The following GABRB3 variants were observed in gnomAD, a reference collection of about 807,000 sequenced individuals.
GABRB3 encodes the protein gamma-aminobutyric acid receptor subunit beta-3.
GABRB3 carries 14 observed loss-of-function variants against 52.1 expected under a neutral mutation model. The ratio of observed to expected loss-of-function variants is 0.27; its 90% CI spans 0.18 to 0.42. GABRB3 has a LOEUF of 0.42. Ranked by LOEUF, GABRB3 falls within the 10% of genes least tolerant of loss-of-function variation. GABRB3 has a pLI of 1.00. For missense variants in GABRB3, 307 were observed against 609.1 expected (o/e 0.50, Z 5.22); for synonymous variants, 260 against 232.3 (o/e 1.12, Z -1.08).
intron 4 of GABRB3, among the ~76,000 whole-genome samples, chr15:26,619,774 T>G (rs1282736369): frequency 6.8e-6 from 1 of 146,456 alleles, no homozygotes; most frequent in Admixed American, 6.8e-5. Flanking sequence ...AGATTAATTT[T>G]TGTTGATATT....
At position 26,772,992 on chromosome 15, in the gene GABRB3, G is replaced by A. The variant is rs1202740143; in HGVS notation, c.-30C>T. On this transcript the variant is annotated 5_prime_UTR_variant, in exon 1 of 9. Transcript: ENST00000311550. ...CCGCCGCGCCCCGGCACGGGGGAGG[G>A]GGCGCCCCGCCGCCGTCGCGACCCG... 3 of 1,350,624 alleles carry A rather than the reference G, an allele frequency of 2.2e-6. No individual in the cohort carries two copies. The highest frequency in any genetic ancestry group is 2.9e-6 in the Non-Finnish European group (3 of 1,041,904). 83.7% of individuals were successfully genotyped at this position (1,350,624 alleles called of 1,614,324 possible).
At chr15:26,680,794 C>T (rs566843534) in intron 3 of GABRB3, among the ~76,000 whole-genome samples, 98 of 152,266 alleles carry the variant, frequency 6.4e-4, no homozygotes, top group African/African-American at 2.3e-3. Context: ...TAAATGGTGG[C>T]AGCAGTGAGT....
Position 26,688,970 on chromosome 15 carries a change from C to T in GABRB3, c.241-67436G>A, listed in dbSNP as rs1888492831. Among the ~76,000 whole-genome samples, 2 of 152,212 alleles carry T rather than the reference C, an allele frequency of 1.3e-5. 1 individual carries two copies. The highest frequency in any genetic ancestry group is 4.1e-4 in the South Asian group (2 of 4,830). ...TGCAGATCCTAAAGCAGGAATAACA[C>T]TCCTGGAATTGCCTCTCTTTTAAAA... On this transcript the variant is annotated intron_variant, in intron 3 of 8. Transcript: ENST00000311550.
chr15:26,609,605 G>T (rs1408176068), intron 4 of GABRB3, among the ~76,000 whole-genome samples: 1 of 152,034 alleles, frequency 6.6e-6, no homozygotes, highest in African/African-American at 2.4e-5. Flanking sequence ...ACATTGTGTG[G>T]TTAGGCAGCT....
intron 3 of GABRB3, among the ~76,000 whole-genome samples, chr15:26,652,370 G>T (rs1789291132): frequency 6.6e-6 from 1 of 152,146 alleles, no homozygotes; most frequent in Non-Finnish European, 1.5e-5. Flanking sequence ...CGGCACCATG[G>T]TCACTCCTAT....
At chr15:26,748,972 C>T (rs999875388) in intron 3 of GABRB3, among the ~76,000 whole-genome samples, 13 of 151,872 alleles carry the variant, frequency 8.6e-5, no homozygotes, top group South Asian at 4.2e-4. Context: ...GGTGAATGAG[C>T]GGAGACAGCA....
intron 3 of GABRB3, among the ~76,000 whole-genome samples, chr15:26,652,304 T>A (rs1314505915): frequency 6.6e-6 from 1 of 152,208 alleles, no homozygotes. Context: ...GCAATTCACA[T>A]ATTGAACCAA....
intron 3 of GABRB3, among the ~76,000 whole-genome samples, chr15:26,725,246 T>C (rs1245090864): frequency 6.6e-6 from 1 of 152,210 alleles, no homozygotes; most frequent in Non-Finnish European, 1.5e-5. Flanking sequence ...TGAATATTTT[T>C]CTGGGAAGGT....
chr15:26,732,714 C>T (rs760772587), intron 3 of GABRB3, among the ~76,000 whole-genome samples: 94 of 152,216 alleles, frequency 6.2e-4, no homozygotes, highest in African/African-American at 2.0e-3. Flanking sequence ...ATAACAGGCA[C>T]GCGCTACCGT....
intron 3 of GABRB3, among the ~76,000 whole-genome samples, chr15:26,712,892 G>A (rs1889346597): frequency 6.6e-6 from 1 of 152,154 alleles, no homozygotes; most frequent in African/African-American, 2.4e-5. Flanking sequence ...CCGCGGGCTG[G>A]GAAACCCAAA....
At chr15:26,597,611 G>A (rs1159268945) in intron 4 of GABRB3, among the ~76,000 whole-genome samples, 1 of 152,178 alleles carries the variant, frequency 6.6e-6, no homozygotes, top group Non-Finnish European at 1.5e-5. Flanking sequence ...GCAGAGAAAT[G>A]GAAGATGACC....
At chr15:26,686,069 A>G (rs1949481807) in intron 3 of GABRB3, among the ~76,000 whole-genome samples, 1 of 151,958 alleles carries the variant, frequency 6.6e-6, no homozygotes, top group Admixed American at 6.6e-5. Flanking sequence ...CAGCCTCCTG[A>G]GTAGCTGGGA....
chr15:26,592,875 C>G (rs1186209873), intron 4 of GABRB3, among the ~76,000 whole-genome samples: 2 of 152,096 alleles, frequency 1.3e-5, no homozygotes, highest in African/African-American at 4.8e-5. Flanking sequence ...ATTAGCTGGG[C>G]ATGGTGGCAC....
chr15:26,581,962 A>C (rs1361076791), intron 5 of GABRB3, among the ~76,000 whole-genome samples: 2 of 144,752 alleles, frequency 1.4e-5, no homozygotes, highest in African/African-American at 5.1e-5. Context: ...ATGTCCAGTA[A>C]GTATTTGTTG....
chr15:26,746,345 A>G (rs1890338092), intron 3 of GABRB3, among the ~76,000 whole-genome samples: 1 of 151,666 alleles, frequency 6.6e-6, no homozygotes, highest in African/African-American at 2.4e-5. Flanking sequence ...TTCTTTATAT[A>G]CTCCAAGTTC....
intron 3 of GABRB3, among the ~76,000 whole-genome samples, chr15:26,724,887 G>C (rs1889731250): frequency 6.6e-6 from 1 of 152,102 alleles, no homozygotes; most frequent in Non-Finnish European, 1.5e-5. Flanking sequence ...ACACTTCCCA[G>C]CCTATCAGAA....
At chr15:26,740,843 G>A (rs1439967373) in intron 3 of GABRB3, among the ~76,000 whole-genome samples, 1 of 152,146 alleles carries the variant, frequency 6.6e-6, no homozygotes, top group Non-Finnish European at 1.5e-5. Context: ...CACTCTCAGA[G>A]TCTGCTGGTG....
chr15:26,637,950 C>T (rs1012884029), intron 3 of GABRB3, among the ~76,000 whole-genome samples: 1 of 152,302 alleles, frequency 6.6e-6, no homozygotes, highest in Non-Finnish European at 1.5e-5. Context: ...TTACCAAGGG[C>T]AAAAGACCTC....
At chr15:26,607,059 G>C (rs28821815) in intron 4 of GABRB3, among the ~76,000 whole-genome samples, 9,643 of 152,070 alleles carry the variant, frequency 0.063, 992 homozygotes, top group African/African-American at 0.22. Flanking sequence ...TTCAAAAAAG[G>C]CAAACGCCGA....
Sources: allele counts gnomAD v4.1 joint callset (sites outside exome capture counted in the v4.1 genomes callset), GRCh38; gene constraint gnomAD v4.1.1; transcripts MANE v1.5; gene names NCBI Gene and HGNC (gene_info 2026-07-23, HGNC 2026-07-21).